The following HIRA variants were observed in gnomAD, a reference collection of about 807,000 sequenced individuals.
HIRA encodes the protein histone cell cycle regulator, also known as protein HIRA.
Under a neutral mutation model 126.6 loss-of-function variants are expected in HIRA, and 13 were observed. The observed-to-expected ratio is 0.10, with a 90% CI of 0.07 to 0.16. The LOEUF is 0.16. HIRA is among the 10% of genes least tolerant of loss of function. HIRA has a pLI of 1.00. For missense variants in HIRA, 834 were observed against 1,314.4 expected, an observed-to-expected ratio of 0.63 and a Z score of 5.65; for synonymous variants, 511 against 520.0, an observed-to-expected ratio of 0.98 and a Z score of 0.24.
At chr22:19,345,199 G>T (rs915060109) in intron 24 of HIRA, among the ~76,000 whole-genome samples, 1 of 152,190 alleles carries the variant, frequency 6.6e-6, no homozygotes, top group African/African-American at 2.4e-5. Context: ...AATTATTTCT[G>T]TTCACAGATG....
chr22:19,348,896 C>T (rs2088721646), intron 24 of HIRA, among the ~76,000 whole-genome samples: 1 of 152,116 alleles, frequency 6.6e-6, no homozygotes, highest in South Asian at 2.1e-4. Flanking sequence ...AGCGATTCTC[C>T]TGCCTCAGCC....
intron 24 of HIRA, among the ~76,000 whole-genome samples, chr22:19,347,862 C>T (rs2088704373): frequency 6.6e-6 from 1 of 152,162 alleles, no homozygotes; most frequent in Admixed American, 6.5e-5. Flanking sequence ...TTGCTTGAAC[C>T]CAGGAGGCAG....
chr22:19,424,326 G>A (rs1207558835), intron 1 of HIRA, among the ~76,000 whole-genome samples: 3 of 152,228 alleles, frequency 2.0e-5, no homozygotes, highest in African/African-American at 4.8e-5. Flanking sequence ...CAATGGGGAA[G>A]ACCCAAAGTC....
chr22:19,391,110 AC>A (rs1480081417), intron 9 of HIRA, among the ~76,000 whole-genome samples: 5 of 152,196 alleles, frequency 3.3e-5, no homozygotes, highest in Admixed American at 2.6e-4. Flanking sequence ...TCAACAGGAG[AC>A]TGTATAAACA....
rs1426308020 is a variant in HIRA, at chr22:19,348,952, AT to A, written c.2937+2405del. 2.3e-4 allele frequency among the ~76,000 whole-genome samples: 33 copies of A among 140,466 alleles called. 1 individual carries two copies. Among genetic ancestry groups the A allele is most frequent in the Admixed American group, 6.5e-4 (9 of 13,926 alleles). 92.2% of individuals were successfully genotyped at this position (140,466 alleles called of 152,430 possible). A position where few individuals can be genotyped will look rare whatever the true frequency, so the allele number is the denominator to read the frequency against. ...AGGCACATGTCACCAAGCCCAGCTAATTTTTTTTTTTAGTAGAGTCGGGGTT... is the reference window on the plus strand; with the variant it reads ...AGGCACATGTCACCAAGCCCAGCTAATTTTTTTTTTAGTAGAGTCGGGGTT... On this transcript the variant is annotated intron_variant, in intron 24 of 24. Transcript: ENST00000263208.
chr22:19,422,270 CA>C (rs1478378994), intron 1 of HIRA, among the ~76,000 whole-genome samples: 6 of 150,466 alleles, frequency 4.0e-5, no homozygotes, highest in Non-Finnish European at 7.4e-5. Flanking sequence ...ATTACATAAA[CA>C]CACACACACA....
At chr22:19,405,393 G>C (rs1166036815) in intron 5 of HIRA, 1 of 607,310 alleles carries the variant, frequency 1.6e-6, no homozygotes, top group African/African-American at 2.0e-5. Flanking sequence ...ACATACTCAA[G>C]GTCAAGTTGA....
chr22:19,345,710 GC>G (rs1556008674), intron 24 of HIRA, among the ~76,000 whole-genome samples: 2 of 152,192 alleles, frequency 1.3e-5, no homozygotes, highest in Non-Finnish European at 2.9e-5. Flanking sequence ...CTGGTCTGTG[GC>G]CCAGAGGTTG....
intron 1 of HIRA, among the ~76,000 whole-genome samples, chr22:19,424,870 A>T (rs1158944333): frequency 6.6e-6 from 1 of 152,160 alleles, no homozygotes; most frequent in African/African-American, 2.4e-5. Context: ...AGGGTGCATT[A>T]ATTTAGCAAC....
intron 1 of HIRA, among the ~76,000 whole-genome samples, chr22:19,416,472 AACCACGCCTGGTGCGCACC>A (rs2089399663): frequency 6.6e-6 from 1 of 151,948 alleles, no homozygotes; most frequent in South Asian, 2.1e-4. Context: ...CTGAGGGCAC[AACCACGCCTGGTGCGCACC>A]ACCACGCCTG....
chr22:19,344,359 T>C (rs13054056), intron 24 of HIRA, among the ~76,000 whole-genome samples: 2 of 151,644 alleles, frequency 1.3e-5, no homozygotes, highest in Non-Finnish European at 2.9e-5. Flanking sequence ...GCCACAAAAA[T>C]AAAAAAGATT....
In HIRA at chr22:19,421,932, A is replaced by G. The variant is rs971643357; in HGVS notation, c.37+9508T>C. ...AGTGATCTGCCTGCCTTGGCCTCCC[A>G]AAGTGCTGGGATTACAGGTGTGAGC... On this transcript the variant is annotated intron_variant, in intron 1 of 24. Coordinates refer to ENST00000263208, the MANE Select transcript of HIRA (RefSeq NM_003325.4). Among the ~76,000 whole-genome samples the G allele has an allele frequency of 2.2e-4, 33 of 152,150 alleles. 1 individual carries two copies. Among genetic ancestry groups the G allele is most frequent in the African/African-American group, 7.7e-4 (32 of 41,502 alleles).
chr22:19,367,094 C>T (rs144678060), intron 15 of HIRA, among the ~76,000 whole-genome samples: 2 of 152,228 alleles, frequency 1.3e-5, no homozygotes, highest in Non-Finnish European at 2.9e-5. Context: ...ATCATGCCAT[C>T]GAAATCCTTT....
At chr22:19,400,302 T>A (rs956700383) in intron 5 of HIRA, among the ~76,000 whole-genome samples, 3 of 152,206 alleles carry the variant, frequency 2.0e-5, no homozygotes, top group African/African-American at 7.2e-5. Flanking sequence ...AGTATCTGGT[T>A]TGGTGTGTGC....
intron 3 of HIRA, 28 bp from the exon 4 acceptor site, chr22:19,407,302 A>G: frequency 6.4e-7 from 1 of 1,564,492 alleles, no homozygotes. Flanking sequence ...TAAGGTGATG[A>G]AAATCCAGTA....
chr22:19,415,554 T>C (rs2089389151), intron 1 of HIRA, among the ~76,000 whole-genome samples: 1 of 152,168 alleles, frequency 6.6e-6, no homozygotes. Context: ...TTTGGGAGGC[T>C]GAGGTGGGTG....
intron 24 of HIRA, among the ~76,000 whole-genome samples, chr22:19,348,628 T>C (rs949786665): frequency 4.0e-5 from 6 of 151,840 alleles, no homozygotes; most frequent in African/African-American, 1.5e-4. Context: ...CCCAAGTAGC[T>C]GGGATTACAG....
chr22:19,358,314 G>A (rs1337946145), intron 18 of HIRA, among the ~76,000 whole-genome samples: 2 of 152,182 alleles, frequency 1.3e-5, no homozygotes, highest in Admixed American at 6.5e-5. Flanking sequence ...TGTAACACTG[G>A]GGAACAGGTC....
chr22:19,334,391 C>A (rs868970376), intron 24 of HIRA, among the ~76,000 whole-genome samples: 4 of 151,144 alleles, frequency 2.6e-5, no homozygotes, highest in Admixed American at 6.6e-5. Context: ...TGGCTCATGC[C>A]TGTAATCTCA....
Sources: gnomAD v4.1 joint callset for allele counts (sites outside exome capture counted in the v4.1 genomes callset) on GRCh38, gnomAD v4.1.1 for gene constraint, MANE v1.5 for transcripts, NCBI Gene and HGNC (gene_info 2026-07-23, HGNC 2026-07-21) for gene names.